WDR62: variants seen among roughly 807,000 people sequenced by gnomAD.
The protein encoded by WDR62 is WD repeat-containing protein 62.
In WDR62, 112 loss-of-function variants were observed where a neutral mutation model predicts 160.6. The ratio of observed to expected loss-of-function variants is 0.70; its 90% CI spans 0.60 to 0.82. The LOEUF (loss-of-function observed/expected upper bound fraction) is 0.82. Among genes scored for constraint, WDR62 ranks in the 40% least tolerant of loss-of-function variants. The pLI, the probability that WDR62 is intolerant of heterozygous loss-of-function variation, is 0.00. For synonymous variants in WDR62, 792 were observed against 815.1 expected (o/e 0.97, Z 0.48); for missense variants, 1,819 against 1,983.8 (o/e 0.92, Z 1.58).
intron 9 of WDR62, among the ~76,000 whole-genome samples, chr19:36,079,061 T>C (rs1971747086): frequency 6.6e-6 from 1 of 151,996 alleles, no homozygotes; most frequent in Non-Finnish European, 1.5e-5. Context: ...TGTCTTTTCT[T>C]TTTTTTGTGG....
At position 36,102,960 on chromosome 19, in the gene WDR62, C is replaced by T; in HGVS notation, c.3348C>T (p.Thr1116=). 2 of 1,614,154 alleles carry T rather than the reference C, an allele frequency of 1.2e-6. No individual in the cohort carries two copies. The highest frequency in any genetic ancestry group is 2.2e-5 in the East Asian group (1 of 44,880). The change falls in exon 28 of 32, where the codon ACC becomes ACT. Residue 1116 remains threonine, a synonymous_variant. Transcript: ENST00000401500. ...SLQKASRFTH[T]FPPRATQCLV... is the part of the protein sequence containing the mutation. ...CTCCTCCCCACAGGTTCACCCATAC[C>T]TTCCCTCCCCGGGCAACCCAGTGCC...
Position 36,099,606 on chromosome 19 carries a change from C to A in WDR62, c.2728C>A (p.Leu910Met), listed in dbSNP as rs1279068945. The change falls in exon 22 of 32, where the codon CTG becomes ATG. Residue 910 changes from leucine to methionine, a missense_variant. Around this residue, in one of 3 missense-constraint regions of WDR62, gnomAD observed 934 missense variants for 1,157.2 expected, o/e 0.81. Coordinates refer to ENST00000401500, the MANE Select transcript of WDR62 (RefSeq NM_001083961.2). ...DSLEPQSLAS[L>M]LSESESPQEA... is the part of the protein sequence containing the mutation. ...ACTGGAGCCACAGAGCCTGGCCAGC[C>A]TGCTGAGTGAGGTACACACTTCCAC... 1 of 1,614,168 alleles carries A rather than the reference C, an allele frequency of 6.2e-7. No individual in the cohort carries two copies. The highest frequency in any genetic ancestry group is 8.5e-7 in the Non-Finnish European group (1 of 1,180,038).
At chr19:36,088,068 C>T (rs559754722) in intron 13 of WDR62, among the ~76,000 whole-genome samples, 1 of 152,310 alleles carries the variant, frequency 6.6e-6, no homozygotes, top group East Asian at 1.9e-4. Context: ...ATGGGGCTCA[C>T]TCCCTTCTGT....
intron 7 of WDR62, among the ~76,000 whole-genome samples, chr19:36,069,174 A>AC (rs1450263272): frequency 7.3e-6 from 1 of 136,504 alleles, no homozygotes; most frequent in African/African-American, 3.2e-5. Context: ...GCGGGGGCTG[A>AC]CCCCCACCTC....
rs1392776710 is a variant in WDR62 at position 36,103,189 on chromosome 19, G to A, written c.3496G>A (p.Glu1166Lys). The change falls in exon 29 of 32, where the codon GAG (glutamate) becomes AAG (lysine). Residue 1166 changes from glutamate to lysine, a missense_variant. By Grantham distance (56) the Glu-to-Lys change is moderately conservative. Transcript: ENST00000401500. ...TGCAGGGAAGGCTGAAGAGACCCTG[G>A]AGGCCTGGCGCCCACCACGTGAGTG... ...LAAGKAEETL[E>K]AWRPPPPCLT... 1 of 1,613,788 alleles carries A rather than the reference G, an allele frequency of 6.2e-7. No homozygotes were observed. Among genetic ancestry groups the A allele is most frequent in the African/African-American group, 1.3e-5 (1 of 74,914 alleles).
chr19:36,102,410 A>G (rs1973418760), intron 26 of WDR62: 2 of 597,174 alleles, frequency 3.3e-6, no homozygotes, highest in South Asian at 3.9e-5. Flanking sequence ...ATAGGCATCC[A>G]CAACCACGCC....
Position 36,105,022 on chromosome 19 carries a change from G to A in WDR62, c.4566G>A (p.Gly1522=). 1 of 1,597,844 alleles carries A rather than the reference G, an allele frequency of 6.3e-7. No individual in the cohort carries two copies. The highest frequency in any genetic ancestry group is 1.7e-5 in the Admixed American group (1 of 59,014). Residue 1522 remains glycine, a synonymous_variant, in exon 32 of 32, where the codon GGG becomes GGA. Transcript: ENST00000401500. ...LVQAVRRKAR[G]H ...AGGCCGTGCGGAGGAAGGCACGGGG[G>A]CACTGAGGGCGCAGCCCCTCCACCG... is the stretch of plus-strand genomic sequence containing the variant.
chr19:36,094,382 C>T (rs759129481), intron 20 of WDR62, among the ~76,000 whole-genome samples: 1 of 151,702 alleles, frequency 6.6e-6, no homozygotes, highest in South Asian at 2.1e-4. Flanking sequence ...GGTGAAACCC[C>T]GTCTCAACTA....
In WDR62 at chr19:36,105,046, C is replaced by T. The variant is rs775270864; in HGVS notation, c.*18C>T. 1.7e-5 allele frequency: 27 copies of T among 1,588,100 alleles called. No individual in the cohort carries two copies. The highest frequency in any genetic ancestry group is 9.0e-5 in the South Asian group (8 of 89,176). ...GGCACTGAGGGCGCAGCCCCTCCAC[C>T]GCAGCCCTGCTGCTTCTGAGGACTT... On this transcript the variant is annotated 3_prime_UTR_variant, in exon 32 of 32. Transcript: ENST00000401500.
rs780182581 is a variant in WDR62 at position 36,084,638 on chromosome 19, G to T, written c.1551-15G>T. 1 of 1,613,172 alleles carries T rather than the reference G, an allele frequency of 6.2e-7. No homozygotes were observed. Among genetic ancestry groups the T allele is most frequent in the African/African-American group, 1.3e-5 (1 of 74,902 alleles). ...CTGGGGTGTGGGGCTTCAGCGGGCG[G>T]TGTGTGTCTCCCAGGATCCACGAGC... On this transcript the variant is annotated splice_polypyrimidine_tract_variant and intron_variant, in intron 11 of 31. Coordinates refer to ENST00000401500, the MANE Select transcript of WDR62 (RefSeq NM_001083961.2).
chr19:36,083,331 TC>T, intron 11 of WDR62, 90 bp downstream of exon 11: 1 of 1,298,414 alleles, frequency 7.7e-7, no homozygotes, highest in Admixed American at 2.0e-5. Context: ...CCTTGGCACC[TC>T]CTGCTGCCCA....
In WDR62 at chr19:36,099,646, T is replaced by A. The variant is rs1355032783; in HGVS notation, c.2739+29T>A. On this transcript the variant is annotated intron_variant, in intron 22 of 31. Coordinates refer to ENST00000401500, the MANE Select transcript of WDR62 (RefSeq NM_001083961.2). ...CACACTTCCACCGCAGCCTGGCCCA[T>A]AGCCCCGGCACCGTGACGGCCCCAG... 1.9e-6 allele frequency: 3 copies of A among 1,610,802 alleles called. No homozygotes were observed. The South Asian group carries it at 3.3e-5, about 18-fold the overall frequency.
At chr19:36,082,203 A>G (rs1176896582) in intron 10 of WDR62, among the ~76,000 whole-genome samples, 1 of 152,220 alleles carries the variant, frequency 6.6e-6, no homozygotes, top group Non-Finnish European at 1.5e-5. Flanking sequence ...CCGACAGTGA[A>G]CTGACAGCCG....
In WDR62 at chr19:36,071,495, A is replaced by G. The variant is rs1247570452; in HGVS notation, c.883-61A>G. ...GCCTAAGGCTGCTCTGTCAGTCCCCATATCCCCGGGCCAGGCCACGTGAAG... is the reference window on the plus strand; with the variant it reads ...GCCTAAGGCTGCTCTGTCAGTCCCCGTATCCCCGGGCCAGGCCACGTGAAG... On this transcript the variant is annotated intron_variant, in intron 7 of 31. Coordinates refer to ENST00000401500, the MANE Select transcript of WDR62 (RefSeq NM_001083961.2). 3.1e-6 allele frequency: 5 copies of G among 1,609,192 alleles called. No homozygotes were observed. In the East Asian group the frequency reaches 6.7e-5, roughly 22 times the overall value.
At chr19:36,078,826 ACT>A (rs765834006) in intron 9 of WDR62, among the ~76,000 whole-genome samples, 2 of 129,938 alleles carry the variant, frequency 1.5e-5, no homozygotes, top group Non-Finnish European at 3.1e-5. Flanking sequence ...ACAGGGCGAG[ACT>A]CTGTCAAAAA....
At chr19:36,107,686 T>C (rs892410885), downstream of WDR62, among the ~76,000 whole-genome samples, 1 of 152,000 alleles carries the variant, frequency 6.6e-6, no homozygotes, top group Non-Finnish European at 1.5e-5. Flanking sequence ...CCTGGGCATG[T>C]TGCAGCTCAA....
At position 36,067,308 on chromosome 19, in the gene WDR62, A is replaced by G. The variant is rs748799553; in HGVS notation, c.564A>G (p.Lys188=). ...CTTCTCTGCACTTATTCTTCCAGAA[A>G]GACATCGTAGTGGCCTCCAACAAGG... ...DMVLNVWDWK[K]DIVVASNKVS... is the part of the protein sequence containing the mutation. Residue 188 remains lysine (K), a splice_region_variant and synonymous_variant, in exon 6 of 32, where the codon AAA becomes AAG. Transcript: ENST00000401500. 17 of 1,614,060 alleles carry G rather than the reference A, an allele frequency of 1.1e-5. No individual in the cohort carries two copies. Among genetic ancestry groups the G allele is most frequent in the Admixed American group, 1.0e-4 (6 of 60,014 alleles).
rs759206305 is a variant in WDR62, at chr19:36,071,729, G to C, written c.1043+13G>C. ...GCCTGGAGCCCAGGTACTGCCCTGTGGGGAGAGGGAATGGGAGGGGCCCAC... is the reference window on the plus strand; with the variant it reads ...GCCTGGAGCCCAGGTACTGCCCTGTCGGGAGAGGGAATGGGAGGGGCCCAC... On this transcript the variant is annotated intron_variant, in intron 8 of 31. Transcript: ENST00000401500. 1.2e-6 allele frequency: 2 copies of C among 1,607,000 alleles called. No individual in the cohort carries two copies. The highest frequency in any genetic ancestry group is 3.3e-5 in the Admixed American group (2 of 59,886).
At chr19:36,091,568 G>A (rs1047067661) in intron 18 of WDR62, 103 bp downstream of exon 18, 10 of 1,188,662 alleles carry the variant, frequency 8.4e-6, no homozygotes, top group Non-Finnish European at 1.3e-5. Context: ...TTTGGATTGT[G>A]GGAGTCTTGG....
Sources: allele counts gnomAD v4.1 joint callset (sites outside exome capture counted in the v4.1 genomes callset), GRCh38; gene constraint gnomAD v4.1.1; regional missense constraint gnomAD v4.1.1; transcripts MANE v1.5; gene names NCBI Gene and HGNC (gene_info 2026-07-23, HGNC 2026-07-21).